The following INO80D variants were observed in gnomAD, a reference collection of about 807,000 sequenced individuals.
The protein encoded by INO80D is INO80 complex subunit D.
INO80D carries 21 observed loss-of-function variants against 87.6 expected under a neutral mutation model. That is an observed-to-expected ratio of 0.24 (90% confidence interval 0.17 to 0.35). The LOEUF is 0.35. INO80D is among the 10% of genes least tolerant of loss of function. The pLI, the probability that INO80D is intolerant of heterozygous loss-of-function variation, is 1.00. For missense variants in INO80D, 982 were observed against 1,280.7 expected, an observed-to-expected ratio of 0.77 and a Z score of 3.56; for synonymous variants, 440 against 491.0, an observed-to-expected ratio of 0.90 and a Z score of 1.37.
At position 206,002,642 on chromosome 2, in the gene INO80D, G is replaced by A. The variant is rs1026776385; in HGVS notation, c.*1726C>T. The A allele has an allele frequency of 6.6e-6, 1 of 152,056 alleles. No individual in the cohort carries two copies. The highest frequency in any genetic ancestry group is 1.5e-5 in the Non-Finnish European group (1 of 68,014). The allele number at this position is 152,056 out of a possible 1,614,324, so 9.4% of individuals were successfully genotyped here. On this transcript the variant is annotated 3_prime_UTR_variant, in exon 11 of 11. Transcript: ENST00000403263. ...CTGATCACCATCATTCCTTTAAAAA[G>A]CAGAGAAAGAAAAGCTTTCAAAAGA...
intron 8 of INO80D, among the ~76,000 whole-genome samples, chr2:206,016,060 C>G (rs1435796600): frequency 6.6e-6 from 1 of 152,162 alleles, no homozygotes; most frequent in Non-Finnish European, 1.5e-5. Flanking sequence ...AAGAGGGCCA[C>G]CATCCTCCAG....
intron 5 of INO80D, among the ~76,000 whole-genome samples, chr2:206,028,962 A>G (rs1688692600): frequency 6.6e-6 from 1 of 151,084 alleles, no homozygotes; most frequent in Admixed American, 6.6e-5. Flanking sequence ...ATCTCAGCTC[A>G]CTGCAAGCTC....
Position 205,993,981 on chromosome 2 carries a change from T to C in INO80D, c.*10387A>G, listed in dbSNP as rs1204396496. On this transcript the variant is annotated 3_prime_UTR_variant, in exon 11 of 11. Coordinates refer to ENST00000403263, the MANE Select transcript of INO80D (RefSeq NM_017759.5). ...GTAATACAGTACATTCATTGAGATATATATGGAAAATGTGAGCCATCTCTT... is the reference window on the plus strand; with the variant it reads ...GTAATACAGTACATTCATTGAGATACATATGGAAAATGTGAGCCATCTCTT... 6.6e-6 allele frequency: 1 copy of C among 152,222 alleles called. No homozygotes were observed. The highest frequency in any genetic ancestry group is 6.5e-5 in the Admixed American group (1 of 15,284). 9.4% of individuals were successfully genotyped at this position (152,222 alleles called of 1,614,324 possible).
At chr2:206,083,521 G>A (rs534406230) in intron 1 of INO80D, among the ~76,000 whole-genome samples, 17 of 152,204 alleles carry the variant, frequency 1.1e-4, no homozygotes, top group African/African-American at 4.1e-4. Flanking sequence ...TTGCATTTTT[G>A]TATCAGATCC....
chr2:206,034,391 C>T (rs1347386365), intron 5 of INO80D, among the ~76,000 whole-genome samples: 2 of 152,130 alleles, frequency 1.3e-5, no homozygotes, highest in African/African-American at 2.4e-5. Context: ...AAAGATAATT[C>T]ACCATGATCA....
intron 1 of INO80D, among the ~76,000 whole-genome samples, chr2:206,083,785 A>G (rs1204807746): frequency 6.7e-6 from 1 of 149,606 alleles, no homozygotes; most frequent in African/African-American, 2.5e-5. Flanking sequence ...AATGTGGGAC[A>G]TCTCCTGCCA....
At chr2:206,020,408 T>G (rs1688428912) in intron 6 of INO80D, among the ~76,000 whole-genome samples, 2 of 152,144 alleles carry the variant, frequency 1.3e-5, no homozygotes. Context: ...ATGACTATGA[T>G]TATCGCCACC....
At chr2:206,031,326 A>C (rs140299151) in intron 5 of INO80D, among the ~76,000 whole-genome samples, 1,586 of 152,274 alleles carry the variant, frequency 0.01, 16 homozygotes, top group Middle Eastern at 0.027. Flanking sequence ...TGGTGACTCA[A>C]TATGAAAGAT....
intron 2 of INO80D, 52 bp downstream of exon 2, chr2:206,063,099 G>T: frequency 1.1e-6 from 1 of 937,700 alleles, no homozygotes; most frequent in Non-Finnish European, 1.6e-6. Context: ...AGAGTATAAG[G>T]CAGATTTAAG....
rs577127446 is a variant in INO80D at position 206,056,114 on chromosome 2, G to A, written c.964+84C>T. ...GTGATTCCACCCCCATCACATATGG[G>A]GTAATTATGAAAGGGAAGCTCCACA... On this transcript the variant is annotated intron_variant, in intron 4 of 10. Transcript: ENST00000403263. 2.2e-5 allele frequency: 30 copies of A among 1,342,300 alleles called. No individual in the cohort carries two copies. In the South Asian group the frequency reaches 3.7e-4, roughly 17 times the overall value. 83.1% of individuals were successfully genotyped at this position (1,342,300 alleles called of 1,614,324 possible). A position where few individuals can be genotyped will look rare whatever the true frequency, so the allele number is the denominator to read the frequency against.
In INO80D at chr2:206,040,004, A is replaced by G. The variant is rs1047580433; in HGVS notation, c.1073+6500T>C. On this transcript the variant is annotated intron_variant, in intron 5 of 10. Coordinates refer to ENST00000403263, the MANE Select transcript of INO80D (RefSeq NM_017759.5). ...AATCACAAAACTTCCCACAAAAAAAAGCCCAGGCCCAGGCGCGGTGACTCA... is the reference window on the plus strand; with the variant it reads ...AATCACAAAACTTCCCACAAAAAAAGGCCCAGGCCCAGGCGCGGTGACTCA... 1.6e-4 allele frequency among the ~76,000 whole-genome samples: 25 copies of G among 152,104 alleles called. No homozygotes were observed. The East Asian group carries it at 4.6e-3, about 28-fold the overall frequency.
chr2:206,009,679 C>G lies in INO80D; in HGVS notation c.1658G>C (p.Arg553Pro). ...GGGTTTTTGGGGTCGACGAGGTCCA[C>G]GCCTTCTCTTCTTCTTGTGTTTTTT... ...LTKKHKKKRR[R>P]GPRRPQKPIP... The change falls in exon 9 of 11, where the codon CGT becomes CCT. Residue 553 changes from arginine (R) to proline (P), a missense_variant. Physicochemically the swap from Arg to Pro is moderately radical, Grantham distance 103. Transcript: ENST00000403263. 2 of 1,613,972 alleles carry G rather than the reference C, an allele frequency of 1.2e-6. No homozygotes were observed. Among genetic ancestry groups the G allele is most frequent in the South Asian group, 2.2e-5 (2 of 91,080 alleles).
In INO80D at chr2:206,003,973, C is replaced by CGGTGGTCGCCG; in HGVS notation, c.*394_*395insCGGCGACCACC. 9.8e-6 allele frequency: 2 copies of CGGTGGTCGCCG among 203,722 alleles called. No individual in the cohort carries two copies. The highest frequency in any genetic ancestry group is 1.0e-5 in the Non-Finnish European group (1 of 98,542). The allele number at this position is 203,722 out of a possible 1,614,324, so 12.6% of individuals were successfully genotyped here. A position where few individuals can be genotyped will look rare whatever the true frequency, so the allele number is the denominator to read the frequency against. ...CAGGAACTCAATTAATAAGATCATT[C>CGGTGGTCGCCG]TATCTAGAACCACCTATGTAAAAAC... is the stretch of plus-strand genomic sequence containing the variant. On this transcript the variant is annotated 3_prime_UTR_variant, in exon 11 of 11. Transcript: ENST00000403263.
At chr2:206,058,221 T>C (rs1018436538) in intron 3 of INO80D, among the ~76,000 whole-genome samples, 1 of 150,708 alleles carries the variant, frequency 6.6e-6, no homozygotes, top group Non-Finnish European at 1.5e-5. Flanking sequence ...AGATCGAGAC[T>C]ATCCTGGCTA....
intron 1 of INO80D, among the ~76,000 whole-genome samples, chr2:206,084,151 C>CGT (rs1189996476): frequency 6.7e-6 from 1 of 150,296 alleles, no homozygotes; most frequent in African/African-American, 2.5e-5. Context: ...AGAAAACATA[C>CGT]GTGTGTGTGT....
intron 3 of INO80D, among the ~76,000 whole-genome samples, chr2:206,061,660 T>G (rs1449972189): frequency 1.3e-5 from 2 of 152,256 alleles, no homozygotes; most frequent in Non-Finnish European, 1.5e-5. Context: ...TTAGAAATTC[T>G]AAGAGAGTAT....
chr2:206,082,660 G>C (rs1006748063), intron 1 of INO80D, among the ~76,000 whole-genome samples: 2 of 152,168 alleles, frequency 1.3e-5, no homozygotes, highest in South Asian at 2.1e-4. Context: ...TACCAGGTGT[G>C]GGGGAGGGGG....
rs1405305752 is a variant in INO80D, at chr2:206,056,305, T to C, written c.857A>G (p.Lys286Arg). ...DPPRTDRILM[K>R]ATAFSPHFSC... ...GAAGTGTGGAGAGAAGGCTGTGGCT[T>C]TCATGAGGATCCGGTCAGTCCTGGG... The change falls in exon 4 of 11, where the codon AAA becomes AGA. Residue 286 changes from lysine (K) to arginine (R), a missense_variant. Physicochemically the swap from Lys to Arg is conservative, Grantham distance 26. Transcript: ENST00000403263. The C allele has an allele frequency of 1.9e-6, 3 of 1,613,838 alleles. No homozygotes were observed. Among genetic ancestry groups the C allele is most frequent in the Non-Finnish European group, 2.5e-6 (3 of 1,179,856 alleles).
intron 5 of INO80D, among the ~76,000 whole-genome samples, chr2:206,036,525 T>C (rs1688900745): frequency 6.6e-6 from 1 of 152,118 alleles, no homozygotes; most frequent in South Asian, 2.1e-4. Flanking sequence ...ATGTGGGAGC[T>C]AAGCTATGAG....
Sources: allele counts gnomAD v4.1 joint callset (sites outside exome capture counted in the v4.1 genomes callset), GRCh38; gene constraint gnomAD v4.1.1; transcripts MANE v1.5; gene names NCBI Gene and HGNC (gene_info 2026-07-23, HGNC 2026-07-21).